The following LRRC28 variants were observed in gnomAD, a reference collection of about 807,000 sequenced individuals.
LRRC28 encodes the protein leucine-rich repeat-containing protein 28.
In LRRC28, 39 loss-of-function variants were observed where a neutral mutation model predicts 45.7. The observed-to-expected ratio is 0.85, with a 90% confidence interval of 0.66 to 1.12. The LOEUF (loss-of-function observed/expected upper bound fraction) is 1.12, where lower values mean the gene tolerates loss of function less well. Among genes scored for constraint, LRRC28 ranks in the 50% most tolerant of loss-of-function variants. The pLI, the probability that LRRC28 is intolerant of heterozygous loss-of-function variation, is 0.00. For synonymous variants in LRRC28, 206 were observed against 178.8 expected (o/e 1.15, Z -1.22); for missense variants, 435 against 438.5 (o/e 0.99, Z 0.07).
At chr15:99,287,771 A>G (rs762585220) in intron 4 of LRRC28, 43 bp from the exon 5 acceptor site, 4 of 1,559,284 alleles carry the variant, frequency 2.6e-6, no homozygotes, top group Middle Eastern at 1.7e-4. Flanking sequence ...TTGATGTAAT[A>G]CTTGAGTCAA....
intron 2 of LRRC28, among the ~76,000 whole-genome samples, chr15:99,266,765 G>A (rs1441940764): frequency 1.3e-5 from 2 of 152,166 alleles, no homozygotes; most frequent in Non-Finnish European, 2.9e-5. Context: ...TATGATAGCA[G>A]CTAGCACTGT....
At chr15:99,383,318 C>T (rs1052461677) in intron 9 of LRRC28, among the ~76,000 whole-genome samples, 2 of 152,186 alleles carry the variant, frequency 1.3e-5, no homozygotes, top group Non-Finnish European at 2.9e-5. Flanking sequence ...AGGGAACGTG[C>T]CAGCACTGCG....
chr15:99,275,146 G>C (rs1342189718), intron 2 of LRRC28, among the ~76,000 whole-genome samples: 3 of 152,220 alleles, frequency 2.0e-5, no homozygotes, highest in Non-Finnish European at 4.4e-5. Context: ...CTATATACTT[G>C]TGTGTGTGCG....
At position 99,273,987 on chromosome 15, in the gene LRRC28, C is replaced by T. The variant is rs1291132257; in HGVS notation, c.169-2589C>T. ...GCCCATAAACGGAAGCGTATATTCT[C>T]AAGGGAGATACTGATAATAAAAACA... On this transcript the variant is annotated intron_variant, in intron 2 of 9. Transcript: ENST00000301981. 2.0e-5 allele frequency among the ~76,000 whole-genome samples: 3 copies of T among 152,260 alleles called. No homozygotes were observed. The East Asian group carries it at 5.8e-4, about 29-fold the overall frequency.
chr15:99,254,854 T>C (rs770883402), intron 1 of LRRC28, among the ~76,000 whole-genome samples: 4 of 152,254 alleles, frequency 2.6e-5, no homozygotes, highest in Non-Finnish European at 5.9e-5. Context: ...TAATCTGCCC[T>C]GGACTCAGGC....
chr15:99,387,080 A>T lies in LRRC28; in HGVS notation c.*978A>T, dbSNP rs959547927. The stretch of plus-strand genomic sequence containing the variant: ...TACTGGTTTTTTTTTGTTGTTGTTG[A>T]GACGGAGTCTCGCTCTGTCGCCCAG... On this transcript the variant is annotated 3_prime_UTR_variant, in exon 10 of 10. Coordinates refer to ENST00000301981, the MANE Select transcript of LRRC28 (RefSeq NM_144598.5). 6.6e-6 allele frequency: 1 copy of T among 151,722 alleles called. No individual in the cohort carries two copies. The highest frequency in any genetic ancestry group is 1.5e-5 in the Non-Finnish European group (1 of 67,972). The allele number at this position is 151,722 out of a possible 1,614,324, so 9.4% of individuals were successfully genotyped here.
intron 5 of LRRC28, among the ~76,000 whole-genome samples, chr15:99,308,507 GATAAAA>G (rs1157805006): frequency 6.6e-6 from 1 of 151,964 alleles, no homozygotes; most frequent in Non-Finnish European, 1.5e-5. Context: ...CTCTACAAAA[GATAAAA>G]ATAAAAAACT....
intron 5 of LRRC28, among the ~76,000 whole-genome samples, chr15:99,303,950 A>G (rs1955082584): frequency 1.3e-5 from 2 of 152,210 alleles, no homozygotes; most frequent in South Asian, 2.1e-4. Context: ...TATAAACAAG[A>G]ATTGTTTACA....
rs180679409 is a variant in LRRC28, at chr15:99,379,106, C to T, written c.1032-6924C>T. Reference sequence around the variant, plus strand: ...TCTGTTGATTGGAATAGTTTCAGAACGAGTGGTACTAGCTCCTCCTTGTAC... The same window carrying T: ...TCTGTTGATTGGAATAGTTTCAGAATGAGTGGTACTAGCTCCTCCTTGTAC... On this transcript the variant is annotated intron_variant, in intron 9 of 9. Coordinates refer to ENST00000301981, the MANE Select transcript of LRRC28 (RefSeq NM_144598.5). Among the ~76,000 whole-genome samples, 9 of 152,190 alleles carry T rather than the reference C, an allele frequency of 5.9e-5. No homozygotes were observed. In the East Asian group the frequency reaches 9.6e-4, roughly 16 times the overall value.
chr15:99,340,979 G>T (rs1358941949), intron 6 of LRRC28, among the ~76,000 whole-genome samples: 1 of 151,868 alleles, frequency 6.6e-6, no homozygotes, highest in Non-Finnish European at 1.5e-5. Flanking sequence ...TCAAGGAAAT[G>T]GATGTGCAAT....
At chr15:99,259,957 G>A in intron 2 of LRRC28, 1 of 657,796 alleles carries the variant, frequency 1.5e-6, no homozygotes, top group Non-Finnish European at 2.8e-6. Context: ...AAATGGATGT[G>A]GGAACAGATG....
chr15:99,271,170 C>T (rs1259145400), intron 2 of LRRC28, among the ~76,000 whole-genome samples: 1 of 152,024 alleles, frequency 6.6e-6, no homozygotes, highest in African/African-American at 2.4e-5. Flanking sequence ...TAGACCTTTG[C>T]CAGATATATG....
intron 9 of LRRC28, among the ~76,000 whole-genome samples, chr15:99,375,529 A>C (rs894363566): frequency 5.9e-5 from 9 of 152,314 alleles, no homozygotes; most frequent in African/African-American, 1.9e-4. Flanking sequence ...TCCTGAAGAA[A>C]TTGTGTAAAA....
In LRRC28 at chr15:99,378,027, C is replaced by T. The variant is rs1444026421; in HGVS notation, c.1032-8003C>T. ...CTTAGGATTGTCTTGGCAATGCAGG[C>T]CCTTTTTTGGTTCCATATGAACTTT... On this transcript the variant is annotated intron_variant, in intron 9 of 9. Transcript: ENST00000301981. 9.2e-5 allele frequency among the ~76,000 whole-genome samples: 14 copies of T among 152,284 alleles called. No homozygotes were observed. In the East Asian group the frequency reaches 2.5e-3, roughly 27 times the overall value.
chr15:99,292,613 C>G (rs1372577417), intron 5 of LRRC28, among the ~76,000 whole-genome samples: 1 of 152,122 alleles, frequency 6.6e-6, no homozygotes, highest in East Asian at 1.9e-4. Context: ...ATCCACCCGC[C>G]TCGGCCTCCC....
rs919105024 is a variant in LRRC28 at position 99,251,552 on chromosome 15, C to T, written c.-61+11C>T. The T allele has an allele frequency of 2.0e-5, 3 of 152,246 alleles. No homozygotes were observed. Among genetic ancestry groups the T allele is most frequent in the Non-Finnish European group, 4.4e-5 (3 of 68,088 alleles). The allele number at this position is 152,246 out of a possible 1,614,324, so 9.4% of individuals were successfully genotyped here. On this transcript the variant is annotated intron_variant, in intron 1 of 9. Transcript: ENST00000301981. Reference sequence around the variant, plus strand: ...TCTGCTGGCGCTGAGGTGAGTAGAGCTGTCCGCCTCGTCGGGTGATTCAAG... The same window carrying T: ...TCTGCTGGCGCTGAGGTGAGTAGAGTTGTCCGCCTCGTCGGGTGATTCAAG...
intron 5 of LRRC28, among the ~76,000 whole-genome samples, chr15:99,293,945 C>G (rs1238301886): frequency 6.6e-6 from 1 of 152,140 alleles, no homozygotes. Context: ...AATATTTTCT[C>G]TGGAAATAAA....
rs2082307379 is a variant in LRRC28 at position 99,297,931 on chromosome 15, T to G, written c.385+9980T>G. Among the ~76,000 whole-genome samples, 3 of 152,044 alleles carry G rather than the reference T, an allele frequency of 2.0e-5. No homozygotes were observed. In the South Asian group the frequency reaches 6.2e-4, roughly 31 times the overall value. ...AAAAGGTTTTGTTTTCTGAACGATG[T>G]GTCCTTCTCAGTGACAAATACATAC... On this transcript the variant is annotated intron_variant, in intron 5 of 9. Transcript: ENST00000301981.
intron 7 of LRRC28, among the ~76,000 whole-genome samples, chr15:99,354,514 C>T (rs968574042): frequency 2.0e-5 from 3 of 152,216 alleles, no homozygotes; most frequent in South Asian, 2.1e-4. Context: ...AAAGGACATA[C>T]GTGTGTTGAA....
Sources: gnomAD v4.1 joint callset for allele counts (sites outside exome capture counted in the v4.1 genomes callset) on GRCh38, gnomAD v4.1.1 for gene constraint, MANE v1.5 for transcripts, NCBI Gene and HGNC (gene_info 2026-07-23, HGNC 2026-07-21) for gene names.